Variants in KCNH8 observed in about 807,000 individuals in gnomAD.
KCNH8 encodes the protein potassium voltage-gated channel subfamily H member 8, also known as voltage-gated delayed rectifier potassium channel KCNH8.
A neutral mutation model predicts 103.6 loss-of-function variants in KCNH8; 70 were observed. The observed-to-expected ratio is 0.68, with a 90% CI of 0.56 to 0.82. KCNH8 has a LOEUF of 0.82. KCNH8 is among the 40% of genes least tolerant of loss of function. The pLI is 0.00. For missense variants in KCNH8, 1,217 were observed against 1,329.9 expected (o/e 0.92, Z 1.32); for synonymous variants, 498 against 489.4 (o/e 1.02, Z -0.23).
intron 11 of KCNH8, among the ~76,000 whole-genome samples, chr3:19,457,615 C>G (rs1204424392): frequency 1.3e-5 from 2 of 151,946 alleles, no homozygotes; most frequent in African/African-American, 4.8e-5. Context: ...TTAGATGTCT[C>G]AGAGAGAGAC....
chr3:19,510,239 T>C, intron 11 of KCNH8, 124 bp from the exon 12 acceptor site: 1 of 682,628 alleles, frequency 1.5e-6, no homozygotes, highest in South Asian at 1.7e-5. Context: ...TCCACACCCC[T>C]TCCTGTGCTC....
chr3:19,301,314 A>G (rs1025115388), intron 3 of KCNH8, among the ~76,000 whole-genome samples: 60 of 149,814 alleles, frequency 4.0e-4, no homozygotes, highest in Non-Finnish European at 6.5e-4. Flanking sequence ...TCTATGTAAA[A>G]TTAGGGAAAT....
chr3:19,435,976 A>G (rs1336097053), intron 7 of KCNH8, among the ~76,000 whole-genome samples: 5 of 152,198 alleles, frequency 3.3e-5, no homozygotes, highest in Non-Finnish European at 7.4e-5. Flanking sequence ...GAGTAAAATA[A>G]TAAACTCCTA....
chr3:19,231,251 T>C lies in KCNH8; in HGVS notation c.77-22403T>C, dbSNP rs923517964. On this transcript the variant is annotated intron_variant, in intron 1 of 15. Coordinates refer to ENST00000328405, the MANE Select transcript of KCNH8 (RefSeq NM_144633.3). Reference sequence around the variant, plus strand: ...TGATAACACTGATTAAAATGTACTATGTTTTCCTTTTTATTTATGCATGTT... The same window carrying C: ...TGATAACACTGATTAAAATGTACTACGTTTTCCTTTTTATTTATGCATGTT... Among the ~76,000 whole-genome samples, 28 of 152,274 alleles carry C rather than the reference T, an allele frequency of 1.8e-4. 1 individual carries two copies. Among genetic ancestry groups the C allele is most frequent in the Admixed American group, 1.4e-3 (22 of 15,304 alleles).
rs766064143 is a variant in KCNH8, at chr3:19,513,169, C to T, written c.2279C>T (p.Thr760Met). ...AGCTTAAAGCAACTGGCCTCGGGAA[C>T]GGTGCCCTTTCACTCGCCTATCAGA... Reference protein sequence around the residue: ...GLSLKQLASGTVPFHSPIRVS... With the variant: ...GLSLKQLASGMVPFHSPIRVS... Residue 760 changes from threonine (T) to methionine (M), a missense_variant, in exon 13 of 16, where the codon ACG becomes ATG. Transcript: ENST00000328405. The T allele has an allele frequency of 1.1e-5, 18 of 1,613,824 alleles. No homozygotes were observed. The highest frequency in any genetic ancestry group is 2.2e-5 in the East Asian group (1 of 44,882).
At chr3:19,487,117 G>C (rs2068227347) in intron 11 of KCNH8, among the ~76,000 whole-genome samples, 1 of 152,200 alleles carries the variant, frequency 6.6e-6, no homozygotes, top group African/African-American at 2.4e-5. Flanking sequence ...GGGCCTCCCT[G>C]AAGATAGTAG....
intron 1 of KCNH8, among the ~76,000 whole-genome samples, chr3:19,240,339 G>A (rs761117056): frequency 3.9e-5 from 6 of 152,118 alleles, no homozygotes; most frequent in Admixed American, 2.0e-4. Context: ...TAGGCCAGGC[G>A]CAGTGGCTCA....
At chr3:19,161,742 G>A (rs2063236359) in intron 1 of KCNH8, among the ~76,000 whole-genome samples, 1 of 152,178 alleles carries the variant, frequency 6.6e-6, no homozygotes, top group African/African-American at 2.4e-5. Flanking sequence ...ACATGGCAAA[G>A]ACTGCTTTCT....
At chr3:19,254,076 AT>A (rs1448165102) in intron 2 of KCNH8, among the ~76,000 whole-genome samples, 189 bp downstream of exon 2, 2 of 152,092 alleles carry the variant, frequency 1.3e-5, no homozygotes, top group Non-Finnish European at 2.9e-5. Flanking sequence ...CTGCCTAGAA[AT>A]TTTGAATTAG....
intron 7 of KCNH8, among the ~76,000 whole-genome samples, chr3:19,418,933 T>C (rs1559318575): frequency 6.6e-6 from 1 of 152,158 alleles, no homozygotes; most frequent in South Asian, 2.1e-4. Context: ...GGTGGGAATA[T>C]TTCCATAACA....
At chr3:19,507,957 TATC>T (rs903514761) in intron 11 of KCNH8, among the ~76,000 whole-genome samples, 2 of 152,224 alleles carry the variant, frequency 1.3e-5, no homozygotes, top group Non-Finnish European at 2.9e-5. Flanking sequence ...TCTGGGTTAT[TATC>T]ATGAAGGGAA....
intron 3 of KCNH8, among the ~76,000 whole-genome samples, chr3:19,332,288 C>T (rs960819161): frequency 7.2e-5 from 11 of 152,150 alleles, no homozygotes; most frequent in African/African-American, 2.7e-4. Context: ...CCTACTACTG[C>T]TAGTCTGTTC....
chr3:19,497,182 T>C (rs932845924), intron 11 of KCNH8, among the ~76,000 whole-genome samples: 5 of 152,164 alleles, frequency 3.3e-5, no homozygotes, highest in African/African-American at 9.7e-5. Flanking sequence ...TCGTATTAAT[T>C]TTTTAAAAAC....
intron 11 of KCNH8, among the ~76,000 whole-genome samples, chr3:19,478,439 CTGT>C (rs1461447078): frequency 6.6e-6 from 1 of 152,086 alleles, no homozygotes; most frequent in African/African-American, 2.4e-5. Flanking sequence ...TCAACAACAT[CTGT>C]TGTTCTTTGA....
chr3:19,389,630 T>G (rs1462200172), intron 5 of KCNH8, among the ~76,000 whole-genome samples: 2 of 151,956 alleles, frequency 1.3e-5, no homozygotes. Flanking sequence ...TTTAGTGGGT[T>G]TTTTGTTTTT....
intron 7 of KCNH8, among the ~76,000 whole-genome samples, chr3:19,410,909 G>A (rs1262014570): frequency 6.8e-6 from 1 of 146,872 alleles, no homozygotes; most frequent in African/African-American, 2.5e-5. Flanking sequence ...TGGACCAGAT[G>A]AGTTTACCAC....
At chr3:19,180,005 A>C (rs560073970) in intron 1 of KCNH8, among the ~76,000 whole-genome samples, 1 of 152,140 alleles carries the variant, frequency 6.6e-6, no homozygotes, top group Non-Finnish European at 1.5e-5. Context: ...TACATAGGAA[A>C]AACTGAGAAG....
At chr3:19,304,509 T>C (rs548379576) in intron 3 of KCNH8, among the ~76,000 whole-genome samples, 38 of 152,030 alleles carry the variant, frequency 2.5e-4, no homozygotes, top group Non-Finnish European at 4.6e-4. Context: ...AAATATAGGA[T>C]ATAATGAAGT....
intron 8 of KCNH8, among the ~76,000 whole-genome samples, chr3:19,446,869 G>A (rs2067370182): frequency 6.6e-6 from 1 of 151,950 alleles, no homozygotes; most frequent in Non-Finnish European, 1.5e-5. Flanking sequence ...GAAAAAGCCA[G>A]GCAGTTCTAT....
Sources: allele counts gnomAD v4.1 joint callset (sites outside exome capture counted in the v4.1 genomes callset), GRCh38; gene constraint gnomAD v4.1.1; transcripts MANE v1.5; gene names NCBI Gene and HGNC (gene_info 2026-07-23, HGNC 2026-07-21).